Variants in HS3ST3A1 observed in about 807,000 individuals in gnomAD.
HS3ST3A1 encodes heparan sulfate glucosamine 3-O-sulfotransferase 3A1.
HS3ST3A1 carries 19 observed loss-of-function variants against 25.7 expected under a neutral mutation model. That is an observed-to-expected ratio of 0.74 (90% confidence interval 0.52 to 1.08). The LOEUF (loss-of-function observed/expected upper bound fraction) is 1.08. Among genes scored for constraint, HS3ST3A1 ranks in the 50% least tolerant of loss-of-function variants. HS3ST3A1 has a pLI of 0.00. For synonymous variants in HS3ST3A1, 226 were observed against 278.6 expected (o/e 0.81, Z 1.88); for missense variants, 459 against 594.3 (o/e 0.77, Z 2.37).
chr17:13,571,314 G>T (rs549156252), intron 1 of HS3ST3A1, among the ~76,000 whole-genome samples: 1 of 152,282 alleles, frequency 6.6e-6, no homozygotes, highest in African/African-American at 2.4e-5. Context: ...CTGCTTTGAT[G>T]GACATTACTT....
intron 1 of HS3ST3A1, among the ~76,000 whole-genome samples, chr17:13,519,992 G>C (rs912627435): frequency 6.6e-6 from 1 of 152,196 alleles, no homozygotes; most frequent in Non-Finnish European, 1.5e-5. Context: ...AGGGTTAAAA[G>C]TACCTGATTC....
intron 1 of HS3ST3A1, among the ~76,000 whole-genome samples, chr17:13,508,901 G>A (rs9908008): frequency 5.3e-5 from 8 of 152,012 alleles, no homozygotes; most frequent in Non-Finnish European, 1.0e-4. Context: ...CTGGACTTCC[G>A]ACATTCTTTG....
At chr17:13,523,525 A>G (rs1906314836) in intron 1 of HS3ST3A1, among the ~76,000 whole-genome samples, 1 of 152,332 alleles carries the variant, frequency 6.6e-6, no homozygotes, top group East Asian at 1.9e-4. Context: ...GATGTTGAGA[A>G]ATGGCAGATC....
At chr17:13,508,009 CTTG>C (rs755037861) in intron 1 of HS3ST3A1, among the ~76,000 whole-genome samples, 3 of 152,160 alleles carry the variant, frequency 2.0e-5, no homozygotes, top group East Asian at 1.9e-4. Context: ...ACTCCCTTTA[CTTG>C]TTGTTTGAAT....
intron 1 of HS3ST3A1, among the ~76,000 whole-genome samples, chr17:13,549,673 C>T (rs867122624): frequency 8.5e-5 from 13 of 152,280 alleles, no homozygotes; most frequent in Middle Eastern, 3.4e-3. Flanking sequence ...GACTATTGGA[C>T]ATCACCTAGC....
chr17:13,579,565 G>A (rs1567628679), intron 1 of HS3ST3A1, among the ~76,000 whole-genome samples: 2 of 151,756 alleles, frequency 1.3e-5, no homozygotes, highest in Non-Finnish European at 2.9e-5. Context: ...AGCTGGGCAG[G>A]TGGCGCATAC....
intron 1 of HS3ST3A1, among the ~76,000 whole-genome samples, chr17:13,507,915 G>A (rs1427491874): frequency 2.0e-5 from 3 of 152,176 alleles, no homozygotes; most frequent in Non-Finnish European, 4.4e-5. Flanking sequence ...CCCTTGGGCC[G>A]AGCCCACTCA....
chr17:13,552,379 C>A (rs115507974), intron 1 of HS3ST3A1, among the ~76,000 whole-genome samples: 3,972 of 152,312 alleles, frequency 0.026, 116 homozygotes, highest in South Asian at 0.066. Context: ...CCGCACCTGG[C>A]CGGTTCTTGA....
intron 1 of HS3ST3A1, among the ~76,000 whole-genome samples, chr17:13,579,944 A>C (rs1333522908): frequency 1.1e-4 from 2 of 17,682 alleles, no homozygotes; most frequent in Non-Finnish European, 2.6e-4. Context: ...GACTCTGTCT[A>C]AAAAAAAAAA....
rs1249282735 is a variant in HS3ST3A1 at position 13,529,356 on chromosome 17, T to C, written c.600-32538A>G. Reference sequence around the variant, plus strand: ...TCAAGAGAAGAAAAAGACATGTTTATGTGGTTCTAAAATAACTTCCTTAAG... The same window carrying C: ...TCAAGAGAAGAAAAAGACATGTTTACGTGGTTCTAAAATAACTTCCTTAAG... On this transcript the variant is annotated intron_variant, in intron 1 of 1. Transcript: ENST00000284110. Among the ~76,000 whole-genome samples the C allele has an allele frequency of 2.6e-5, 4 of 152,186 alleles. No homozygotes were observed. In the East Asian group the frequency reaches 7.7e-4, roughly 29 times the overall value.
At chr17:13,578,803 T>G (rs1908021557) in intron 1 of HS3ST3A1, among the ~76,000 whole-genome samples, 2 of 152,184 alleles carry the variant, frequency 1.3e-5, no homozygotes, top group Admixed American at 6.5e-5. Flanking sequence ...ACAGAGATCA[T>G]GTCAATATAA....
At chr17:13,551,238 A>C (rs904878656) in intron 1 of HS3ST3A1, among the ~76,000 whole-genome samples, 2 of 151,452 alleles carry the variant, frequency 1.3e-5, no homozygotes, top group Non-Finnish European at 2.9e-5. Flanking sequence ...AATGCCAGCT[A>C]CTTGGGAGGC....
intron 1 of HS3ST3A1, among the ~76,000 whole-genome samples, chr17:13,568,919 A>G (rs546634696): frequency 2.0e-4 from 31 of 152,348 alleles, no homozygotes; most frequent in African/African-American, 6.7e-4. Context: ...ACATGCAAAC[A>G]TAGAGCTCAG....
chr17:13,531,158 A>G (rs559086123), intron 1 of HS3ST3A1, among the ~76,000 whole-genome samples: 1 of 152,332 alleles, frequency 6.6e-6, no homozygotes, highest in Non-Finnish European at 1.5e-5. Context: ...TTTTATCGCG[A>G]TATCTTTCCT....
intron 1 of HS3ST3A1, among the ~76,000 whole-genome samples, chr17:13,587,312 G>T (rs1908302818): frequency 6.6e-6 from 1 of 151,804 alleles, no homozygotes; most frequent in Non-Finnish European, 1.5e-5. Context: ...AAATTAGCTG[G>T]GTGTGGTGGC....
At chr17:13,564,789 T>C (rs967960092) in intron 1 of HS3ST3A1, among the ~76,000 whole-genome samples, 1 of 148,842 alleles carries the variant, frequency 6.7e-6, no homozygotes, top group Admixed American at 6.8e-5. Flanking sequence ...AGTGGTGCGA[T>C]CGCAGCTCAC....
rs536651320 is a variant in HS3ST3A1 at position 13,600,477 on chromosome 17, C to A, written c.599+54G>T. 12 of 1,501,572 alleles carry A rather than the reference C, an allele frequency of 8.0e-6. No homozygotes were observed. The East Asian group carries it at 1.0e-4, about 13-fold the overall frequency. 93.0% of individuals were successfully genotyped at this position (1,501,572 alleles called of 1,614,324 possible). A position where few individuals can be genotyped will look rare whatever the true frequency, so the allele number is the denominator to read the frequency against. On this transcript the variant is annotated intron_variant, in intron 1 of 1. Coordinates refer to ENST00000284110, the MANE Select transcript of HS3ST3A1 (RefSeq NM_006042.3). ...TCACCGAGGGCTCCTCCACGTCTTT[C>A]CCAGCCCAGGACCCCCGGATCCTTC...
chr17:13,542,071 T>C lies in HS3ST3A1; in HGVS notation c.600-45253A>G, dbSNP rs139601831. Among the ~76,000 whole-genome samples, 577 of 152,252 alleles carry C rather than the reference T, an allele frequency of 3.8e-3. 2 individuals are homozygous for C. Among genetic ancestry groups the C allele is most frequent in the Admixed American group, 6.6e-3 (101 of 15,286 alleles). On this transcript the variant is annotated intron_variant, in intron 1 of 1. Transcript: ENST00000284110. ...GGTCGGGCACAGTGGTTCATGCCTGTAATCCCAGCAGTTTAGGAGGCCAAG... is the reference window on the plus strand; with the variant it reads ...GGTCGGGCACAGTGGTTCATGCCTGCAATCCCAGCAGTTTAGGAGGCCAAG...
intron 1 of HS3ST3A1, among the ~76,000 whole-genome samples, chr17:13,536,381 A>G (rs1319712176): frequency 6.6e-6 from 1 of 152,194 alleles, no homozygotes; most frequent in East Asian, 1.9e-4. Context: ...TAGACGTGAG[A>G]AAATATACTC....
Sources: allele counts gnomAD v4.1 joint callset (sites outside exome capture counted in the v4.1 genomes callset), GRCh38; gene constraint gnomAD v4.1.1; transcripts MANE v1.5; gene names NCBI Gene and HGNC (gene_info 2026-07-23, HGNC 2026-07-21).